Variants in GP9 observed in about 807,000 individuals in gnomAD.
GP9 encodes the protein glycoprotein IX platelet.
For missense variants in GP9, 228 were observed against 241.8 expected, an observed-to-expected ratio of 0.94 and a Z score of 0.38; for synonymous variants, 116 against 116.7, an observed-to-expected ratio of 0.99 and a Z score of 0.04.
chr3:129,059,611 A>G (rs1946553896), upstream of GP9, among the ~76,000 whole-genome samples: 1 of 152,160 alleles, frequency 6.6e-6, no homozygotes, highest in African/African-American at 2.4e-5. Context: ...CTCTGAGCCC[A>G]GCATCAGTGG....
rs1024317986 is a variant in GP9, at chr3:129,062,110, T to C, written c.371T>C (p.Leu124Pro). The change falls in exon 3 of 3, where the codon CTG becomes CCG. Residue 124 changes from leucine to proline, a missense_variant. Transcript: ENST00000307395. ...CCCAGCCTCGCTGCCCATGGCCCGC[T>C]GGGCCGGCTGACAGGCTACCAGCTG... ...ASPSLAAHGPLGRLTGYQLGS... is the reference protein window; with the variant it reads ...ASPSLAAHGPPGRLTGYQLGS... 1 of 1,599,618 alleles carries C rather than the reference T, an allele frequency of 6.3e-7. No homozygotes were observed. Among genetic ancestry groups the C allele is most frequent in the Non-Finnish European group, 8.5e-7 (1 of 1,174,460 alleles).
In GP9 at chr3:129,061,603, G is replaced by A; in HGVS notation, c.-29G>A. 2 of 746,148 alleles carry A rather than the reference G, an allele frequency of 2.7e-6. No individual in the cohort carries two copies. Among genetic ancestry groups the A allele is most frequent in the Admixed American group, 2.1e-5 (1 of 48,700 alleles). The allele number at this position is 746,148 out of a possible 1,614,324, so 46.2% of individuals were successfully genotyped here. ...AGCTGGTTTCCCAGAGGAGAAGGCT[G>A]AGACCCGAGAAGGGAGGTGAGTGCA... On this transcript the variant is annotated 5_prime_UTR_variant, in exon 2 of 3. Transcript: ENST00000307395.
upstream of GP9, among the ~76,000 whole-genome samples, chr3:129,057,265 T>C (rs1946529598): frequency 6.6e-6 from 1 of 152,168 alleles, no homozygotes; most frequent in Admixed American, 6.5e-5. Context: ...TGAAATGGAA[T>C]ATTATGGTAC....
the GP9 span, among the ~76,000 whole-genome samples, chr3:129,055,737 C>T: frequency 2.0e-5 from 3 of 151,876 alleles, no homozygotes; most frequent in Non-Finnish European, 4.4e-5. Context: ...CTGCGCCTCC[C>T]AGGTTCAAGC....
At chr3:129,057,177 T>C (rs1391544123), upstream of GP9, among the ~76,000 whole-genome samples, 3 of 152,014 alleles carry the variant, frequency 2.0e-5, no homozygotes, top group Non-Finnish European at 4.4e-5. Flanking sequence ...TTCACATCAA[T>C]GGGAGGAGAC....
chr3:129,055,000 G>C, the GP9 span, among the ~76,000 whole-genome samples: 87 of 152,294 alleles, frequency 5.7e-4, no homozygotes, highest in African/African-American at 2.0e-3. Flanking sequence ...GCCTGGCATG[G>C]CCTTAGGTTC....
the GP9 span, among the ~76,000 whole-genome samples, chr3:129,055,272 CTTAATAT>C: frequency 6.6e-6 from 1 of 152,248 alleles, no homozygotes; most frequent in South Asian, 2.1e-4. Flanking sequence ...TTAGTTTACA[CTTAATAT>C]TTTTCTTAGA....
upstream of GP9, among the ~76,000 whole-genome samples, chr3:129,055,970 A>G (rs1246017771): frequency 6.6e-6 from 1 of 152,088 alleles, no homozygotes; most frequent in East Asian, 1.9e-4. Context: ...CTTCCCTGAC[A>G]GTGTGCCAGT....
chr3:129,055,523 G>C, the GP9 span, among the ~76,000 whole-genome samples: 2 of 152,200 alleles, frequency 1.3e-5, no homozygotes, highest in Non-Finnish European at 2.9e-5. Context: ...TTTCAGCTGG[G>C]GAGGGGTATC....
At chr3:129,057,571 C>A (rs536123815), upstream of GP9, among the ~76,000 whole-genome samples, 3 of 152,178 alleles carry the variant, frequency 2.0e-5, no homozygotes, top group South Asian at 2.1e-4. Context: ...CACAGGGGCA[C>A]GGGTTTTCTT....
At position 129,062,068 on chromosome 3, in the gene GP9, A is replaced by G. The variant is rs201341449; in HGVS notation, c.329A>G (p.Gln110Arg). The change falls in exon 3 of 3, where the codon CAG (glutamine) becomes CGG (arginine). Residue 110 changes from glutamine to arginine, a missense_variant. Physicochemically the swap from Gln to Arg is conservative, Grantham distance 43. Transcript: ENST00000307395. ...GACCGCACGCCCGAGGCCCTGCTGC[A>G]GGTCCGCTGTGCCAGCCCCAGCCTC... Reference protein sequence around the residue: ...LEDRTPEALLQVRCASPSLAA... With the variant: ...LEDRTPEALLRVRCASPSLAA... The G allele has an allele frequency of 1.7e-5, 28 of 1,611,592 alleles. No homozygotes were observed. The African/African-American group carries it at 3.6e-4, about 21-fold the overall frequency.
At chr3:129,057,829 T>TC (rs1491374172), upstream of GP9, among the ~76,000 whole-genome samples, 420 of 144,808 alleles carry the variant, frequency 2.9e-3, 3 homozygotes, top group South Asian at 6.3e-3. Flanking sequence ...ATAGGTTGCT[T>TC]CTTTTTTTTT....
At chr3:129,056,027 C>T (rs1367825322), upstream of GP9, among the ~76,000 whole-genome samples, 1 of 152,158 alleles carries the variant, frequency 6.6e-6, no homozygotes, top group Non-Finnish European at 1.5e-5. Context: ...TGGCCAGACC[C>T]CCAGCAAAGC....
In GP9 at chr3:129,062,064, C is replaced by A. The variant is rs1313334781; in HGVS notation, c.325C>A (p.Leu109Met). 1 of 1,612,014 alleles carries A rather than the reference C, an allele frequency of 6.2e-7. No individual in the cohort carries two copies. Among genetic ancestry groups the A allele is most frequent in the Admixed American group, 1.7e-5 (1 of 59,978 alleles). ...WLEDRTPEAL[L>M]QVRCASPSLA... Reference sequence around the variant, plus strand: ...GGAGGACCGCACGCCCGAGGCCCTGCTGCAGGTCCGCTGTGCCAGCCCCAG... The same window carrying A: ...GGAGGACCGCACGCCCGAGGCCCTGATGCAGGTCCGCTGTGCCAGCCCCAG... Residue 109 changes from leucine (L) to methionine (M), a missense_variant, in exon 3 of 3, where the codon CTG (leucine) becomes ATG (methionine). Leu to Met is a conservative substitution (Grantham distance 15). Transcript: ENST00000307395.
At position 129,061,856 on chromosome 3, in the gene GP9, G is replaced by C; in HGVS notation, c.117G>C (p.Arg39Ser). 1 of 1,612,562 alleles carries C rather than the reference G, an allele frequency of 6.2e-7. No homozygotes were observed. ...LETMGLWVDC[R>S]GHGLTALPAL... is the part of the protein sequence containing the mutation. The stretch of plus-strand genomic sequence containing the variant: ...CCATGGGGCTGTGGGTGGACTGCAG[G>C]GGCCACGGACTCACGGCCCTGCCTG... The change falls in exon 3 of 3, where the codon AGG becomes AGC. Residue 39 changes from arginine to serine, a missense_variant. Transcript: ENST00000307395.
chr3:129,060,182 C>T (rs918403440), upstream of GP9, among the ~76,000 whole-genome samples: 1 of 152,208 alleles, frequency 6.6e-6, no homozygotes, highest in African/African-American at 2.4e-5. Context: ...AATGTTAAAA[C>T]CATAGGCCAA....
intron 2 of GP9, 38 bp downstream of exon 2, chr3:129,061,657 C>G (rs2107956283): frequency 8.5e-7 from 1 of 1,177,214 alleles, no homozygotes. Flanking sequence ...TCCGCTACAT[C>G]CCCAGTGCTT....
intron 1 of GP9, among the ~76,000 whole-genome samples, 156 bp downstream of exon 1, chr3:129,061,006 C>T (rs572433978): frequency 1.2e-4 from 19 of 152,352 alleles, no homozygotes; most frequent in African/African-American, 4.1e-4. Context: ...GACACTTATT[C>T]ACTGGAAACC....
chr3:129,061,479 T>C lies in GP9; in HGVS notation c.-138-15T>C, dbSNP rs973019547. On this transcript the variant is annotated splice_polypyrimidine_tract_variant and intron_variant, in intron 1 of 2. Transcript: ENST00000307395. ...TCCCTTCCCCTTCCCAAAAACAAAC[T>C]TACCCAATCCACAGCCGCCCTCACC... is the stretch of plus-strand genomic sequence containing the variant. 15 of 581,652 alleles carry C rather than the reference T, an allele frequency of 2.6e-5. No individual in the cohort carries two copies. Among genetic ancestry groups the C allele is most frequent in the African/African-American group, 2.2e-4 (12 of 53,512 alleles). 36.0% of individuals were successfully genotyped at this position (581,652 alleles called of 1,614,324 possible).
Sources: allele counts gnomAD v4.1 joint callset (sites outside exome capture counted in the v4.1 genomes callset), GRCh38; gene constraint gnomAD v4.1.1; transcripts MANE v1.5; gene names NCBI Gene and HGNC (gene_info 2026-07-23, HGNC 2026-07-21).